Variants in ACTR10 observed in about 807,000 individuals in gnomAD.
ACTR10 encodes the protein actin-related protein 10.
In ACTR10, 43 loss-of-function variants were observed where a neutral mutation model predicts 56.2. The observed-to-expected ratio is 0.77, with a 90% confidence interval of 0.60 to 0.99. The LOEUF (loss-of-function observed/expected upper bound fraction) is 0.99. Among genes scored for constraint, ACTR10 ranks in the 50% least tolerant of loss-of-function variants. The probability of loss-of-function intolerance (pLI) is 0.00; values close to 1 mark genes in which losing one functional copy is unlikely to be tolerated. For synonymous variants in ACTR10, 170 were observed against 176.3 expected, an observed-to-expected ratio of 0.96 and a Z score of 0.28; for missense variants, 466 against 507.8, an observed-to-expected ratio of 0.92 and a Z score of 0.79.
chr14:58,215,361 C>A, intron 7 of ACTR10, 77 bp downstream of exon 7: 1 of 883,186 alleles, frequency 1.1e-6, no homozygotes, highest in African/African-American at 1.7e-5. Flanking sequence ...GTCTTTGCTC[C>A]ATTGCATGAT....
At chr14:58,232,946 C>A (rs1889582331) in intron 12 of ACTR10, among the ~76,000 whole-genome samples, 1 of 151,446 alleles carries the variant, frequency 6.6e-6, no homozygotes, top group East Asian at 1.9e-4. Flanking sequence ...TCCCAGCTCA[C>A]CGCAACCTCT....
rs1049921244 is a variant in ACTR10 at position 58,213,647 on chromosome 14, C to A, written c.467C>A (p.Pro156Gln). 1.2e-6 allele frequency: 2 copies of A among 1,611,520 alleles called. No homozygotes were observed. The highest frequency in any genetic ancestry group is 1.3e-5 in the African/African-American group (1 of 74,948). ...SLVLPIYEGIPVLNCWGALPL... is the reference protein window; with the variant it reads ...SLVLPIYEGIQVLNCWGALPL... ...ACTCTATAGATATATGAAGGAATCC[C>A]AGTTCTAAATTGTTGGGGAGCACTA... The change falls in exon 6 of 13, where the codon CCA becomes CAA. Residue 156 changes from proline to glutamine, a missense_variant. Transcript: ENST00000254286.
intron 2 of ACTR10, among the ~76,000 whole-genome samples, chr14:58,205,345 T>G (rs111531701): frequency 6.7e-6 from 1 of 149,704 alleles, no homozygotes; most frequent in African/African-American, 2.5e-5. Context: ...GGCGGAGTCT[T>G]GCTCTGTCGC....
rs761373898 is a variant in ACTR10 at position 58,234,467 on chromosome 14, C to G, written c.1170C>G (p.Leu390=). The G allele has an allele frequency of 6.2e-6, 10 of 1,613,458 alleles. No individual in the cohort carries two copies. Among genetic ancestry groups the G allele is most frequent in the Non-Finnish European group, 8.5e-6 (10 of 1,179,718 alleles). Residue 390 remains leucine, a synonymous_variant, in exon 13 of 13, where the codon CTC becomes CTG. Coordinates refer to ENST00000254286, the MANE Select transcript of ACTR10 (RefSeq NM_018477.3). ...QTGRIPDWCS[L]NNPPLEMMFD... is the part of the protein sequence containing the mutation. ...GCCGTATACCTGATTGGTGTTCTCTCAATAACCCACCTTTGGAAATGATGT... is the reference window on the plus strand; with the variant it reads ...GCCGTATACCTGATTGGTGTTCTCTGAATAACCCACCTTTGGAAATGATGT...
At chr14:58,217,808 A>G (rs1889170282) in intron 7 of ACTR10, among the ~76,000 whole-genome samples, 1 of 152,216 alleles carries the variant, frequency 6.6e-6, no homozygotes, top group Admixed American at 6.5e-5. Context: ...TTTAGTGTTT[A>G]GAACTTAGTT....
chr14:58,231,079 G>GAA (rs3063562), intron 11 of ACTR10: 27 of 352,192 alleles, frequency 7.7e-5, no homozygotes, highest in African/African-American at 5.9e-4. Context: ...TTTTTTGACA[G>GAA]TGTTGCTCTT....
intron 8 of ACTR10, among the ~76,000 whole-genome samples, chr14:58,220,614 T>A (rs1241555785): frequency 2.0e-5 from 3 of 152,202 alleles, no homozygotes; most frequent in Non-Finnish European, 4.4e-5. Flanking sequence ...TTGTTGACCA[T>A]GTGGAGTGTT....
intron 12 of ACTR10, among the ~76,000 whole-genome samples, chr14:58,233,368 G>A (rs1055629577): frequency 2.0e-5 from 3 of 152,030 alleles, no homozygotes; most frequent in Non-Finnish European, 4.4e-5. Context: ...AATTATGTGG[G>A]TCCACTCATA....
intron 5 of ACTR10, chr14:58,213,289 A>C (rs144068543): frequency 5.6e-6 from 1 of 179,960 alleles, no homozygotes; most frequent in Admixed American, 6.2e-5. Context: ...AAAACCTTCT[A>C]AATTTGGTGT....
At chr14:58,211,959 G>A (rs1382705878) in intron 5 of ACTR10, among the ~76,000 whole-genome samples, 1 of 147,468 alleles carries the variant, frequency 6.8e-6, no homozygotes, top group African/African-American at 2.5e-5. Context: ...AAAAGAATAC[G>A]TTTTTTCTTT....
At chr14:58,213,224 T>C (rs1889044784) in intron 5 of ACTR10, 1 of 154,844 alleles carries the variant, frequency 6.5e-6, no homozygotes, top group East Asian at 1.9e-4. Context: ...AATATTCCAA[T>C]ATTCCATCAA....
At chr14:58,215,368 T>C (rs374115439) in intron 7 of ACTR10, 84 bp downstream of exon 7, 23 of 837,314 alleles carry the variant, frequency 2.7e-5, no homozygotes, top group Middle Eastern at 2.4e-4. Flanking sequence ...CTCCATTGCA[T>C]GATTATTCTC....
intron 10 of ACTR10, among the ~76,000 whole-genome samples, chr14:58,229,153 GAC>G (rs1172213466): frequency 6.6e-6 from 1 of 151,684 alleles, no homozygotes; most frequent in African/African-American, 2.4e-5. Flanking sequence ...ACTATTGCCA[GAC>G]AGAAAGAAAA....
At chr14:58,228,199 C>T (rs1300108417) in intron 10 of ACTR10, among the ~76,000 whole-genome samples, 2 of 152,234 alleles carry the variant, frequency 1.3e-5, no homozygotes, top group African/African-American at 4.8e-5. Flanking sequence ...TTCCATCTAT[C>T]ATCTCTGAGA....
intron 10 of ACTR10, among the ~76,000 whole-genome samples, chr14:58,227,601 A>T (rs918563623): frequency 2.6e-5 from 4 of 152,240 alleles, no homozygotes; most frequent in African/African-American, 7.2e-5. Context: ...GACTCTTTGT[A>T]AGCATGCAGC....
chr14:58,230,372 A>G, intron 10 of ACTR10, 27 bp from the exon 11 acceptor site: 1 of 1,391,408 alleles, frequency 7.2e-7, no homozygotes, highest in Non-Finnish European at 9.9e-7. Context: ...ACACCAACAG[A>G]AAGCTCTCTT....
chr14:58,208,949 C>G lies in ACTR10; in HGVS notation c.234-50C>G, dbSNP rs768258106. The G allele has an allele frequency of 1.5e-5, 19 of 1,267,992 alleles. No individual in the cohort carries two copies. The African/African-American group carries it at 2.5e-4, about 17-fold the overall frequency. 78.5% of individuals were successfully genotyped at this position (1,267,992 alleles called of 1,614,324 possible). On this transcript the variant is annotated intron_variant, in intron 3 of 12. Transcript: ENST00000254286. ...ACTGTTCTTAAATTGTATGACTTAACAAAATGAATAAAAACTTTTACTTTT... is the reference window on the plus strand; with the variant it reads ...ACTGTTCTTAAATTGTATGACTTAAGAAAATGAATAAAAACTTTTACTTTT...
intron 1 of ACTR10, among the ~76,000 whole-genome samples, chr14:58,201,413 GGAT>G (rs1036981658): frequency 6.6e-5 from 10 of 152,296 alleles, no homozygotes; most frequent in Admixed American, 4.6e-4. Context: ...GACAGCAGGA[GGAT>G]GATAAGATAA....
At chr14:58,202,509 G>T (rs1368149884) in intron 1 of ACTR10, among the ~76,000 whole-genome samples, 1 of 151,712 alleles carries the variant, frequency 6.6e-6, no homozygotes, top group Non-Finnish European at 1.5e-5. Context: ...GCGTGAACCC[G>T]GGAGGCGGAG....
Sources: gnomAD v4.1 joint callset for allele counts (sites outside exome capture counted in the v4.1 genomes callset) on GRCh38, gnomAD v4.1.1 for gene constraint, MANE v1.5 for transcripts, NCBI Gene and HGNC (gene_info 2026-07-23, HGNC 2026-07-21) for gene names.